The following CSMD1 variants were observed in gnomAD, a reference collection of about 807,000 sequenced individuals.
The protein encoded by CSMD1 is CUB and sushi domain-containing protein 1.
CSMD1 carries 213 observed loss-of-function variants against 417.5 expected under a neutral mutation model. The observed-to-expected ratio is 0.51, with a 90% confidence interval of 0.46 to 0.57. The LOEUF (loss-of-function observed/expected upper bound fraction) is 0.57, where lower values mean the gene tolerates loss of function less well. Among genes scored for constraint, CSMD1 ranks in the 20% least tolerant of loss-of-function variants. The pLI is 0.00. For missense variants in CSMD1, 6,923 were observed against 4,529.7 expected (o/e 1.53, Z -15.17); for synonymous variants, 2,862 against 1,736.8 (o/e 1.65, Z -16.11).
chr8:4,388,810 C>G (rs1462205843), intron 3 of CSMD1, among the ~76,000 whole-genome samples: 1 of 152,162 alleles, frequency 6.6e-6, no homozygotes, highest in Non-Finnish European at 1.5e-5. Flanking sequence ...ACCTCTGGAC[C>G]CAGCACTGAA....
chr8:3,150,397 C>G (rs1174891756), intron 40 of CSMD1, among the ~76,000 whole-genome samples: 1 of 152,154 alleles, frequency 6.6e-6, no homozygotes, highest in African/African-American at 2.4e-5. Flanking sequence ...CGTCCAGCGC[C>G]TGATTGACCT....
At chr8:4,431,248 C>G (rs1183061696) in intron 2 of CSMD1, among the ~76,000 whole-genome samples, 1 of 152,016 alleles carries the variant, frequency 6.6e-6, no homozygotes, top group Non-Finnish European at 1.5e-5. Context: ...AGTGAAATGG[C>G]TCAAAGATGT....
intron 1 of CSMD1, among the ~76,000 whole-genome samples, chr8:4,819,468 A>G (rs1366329449): frequency 1.3e-5 from 2 of 152,208 alleles, no homozygotes; most frequent in Admixed American, 1.3e-4. Context: ...TGCCAAATTG[A>G]CATCCAACAT....
At chr8:3,574,111 A>T (rs962171801) in intron 10 of CSMD1, among the ~76,000 whole-genome samples, 6 of 152,236 alleles carry the variant, frequency 3.9e-5, no homozygotes, top group Non-Finnish European at 8.8e-5. Context: ...ACTACCCTGG[A>T]GGAAATATAT....
At chr8:4,770,537 A>T (rs1254578697) in intron 1 of CSMD1, among the ~76,000 whole-genome samples, 1 of 151,888 alleles carries the variant, frequency 6.6e-6, no homozygotes, top group Non-Finnish European at 1.5e-5. Flanking sequence ...CAAAAGTTGA[A>T]GGCATTACAC....
rs182006774 is a variant in CSMD1 at position 3,073,190 on chromosome 8, T to A, written c.7474+13907A>T. ...CTTGAATGCATTTGATATGAAAACATATTATTGTTATTTCAATTAAAGCAC... is the reference window on the plus strand; with the variant it reads ...CTTGAATGCATTTGATATGAAAACAAATTATTGTTATTTCAATTAAAGCAC... On this transcript the variant is annotated intron_variant, in intron 49 of 69. Coordinates refer to ENST00000635120, the MANE Select transcript of CSMD1 (RefSeq NM_033225.6). Among the ~76,000 whole-genome samples the A allele has an allele frequency of 2.6e-5, 4 of 152,144 alleles. No individual in the cohort carries two copies. In the East Asian group the frequency reaches 7.7e-4, roughly 29 times the overall value.
chr8:3,776,219 G>A (rs989479961), intron 5 of CSMD1, among the ~76,000 whole-genome samples: 1 of 152,142 alleles, frequency 6.6e-6, no homozygotes, highest in Non-Finnish European at 1.5e-5. Context: ...GGTGCCCTGT[G>A]CTCATCCGGA....
intron 36 of CSMD1, among the ~76,000 whole-genome samples, chr8:3,187,538 G>C (rs1585596342): frequency 2.0e-5 from 3 of 152,144 alleles, no homozygotes; most frequent in Admixed American, 1.3e-4. Flanking sequence ...TGCATTTTAA[G>C]AGTTGAGAAC....
chr8:3,911,885 C>T (rs574466012), intron 5 of CSMD1, among the ~76,000 whole-genome samples: 23 of 152,294 alleles, frequency 1.5e-4, no homozygotes, highest in East Asian at 3.9e-4. Context: ...TTCTTACCTC[C>T]GTTATCTTTT....
intron 22 of CSMD1, among the ~76,000 whole-genome samples, chr8:3,347,075 G>C (rs1036180736): frequency 6.6e-6 from 1 of 152,154 alleles, no homozygotes; most frequent in Admixed American, 6.5e-5. Flanking sequence ...TAACTGATAA[G>C]CTTAAAAAAA....
intron 2 of CSMD1, among the ~76,000 whole-genome samples, chr8:4,475,815 G>C (rs894513021): frequency 6.6e-6 from 1 of 152,024 alleles, no homozygotes; most frequent in Admixed American, 6.5e-5. Flanking sequence ...ATTTCATTAT[G>C]TTGACCAGGC....
At chr8:3,401,951 TCTTTG>T (rs1812064044) in intron 15 of CSMD1, among the ~76,000 whole-genome samples, 1 of 142,292 alleles carries the variant, frequency 7.0e-6, no homozygotes, top group African/African-American at 2.5e-5. Flanking sequence ...AGCAATTTCT[TCTTTG>T]CTTTTTTTTT....
At chr8:2,942,711 G>A (rs1801967961) in intron 68 of CSMD1, 107 bp from the exon 69 acceptor site, 3 of 817,778 alleles carry the variant, frequency 3.7e-6, no homozygotes, top group Non-Finnish European at 5.2e-6. Flanking sequence ...AGCAGACGGA[G>A]TTGCCATTTC....
intron 3 of CSMD1, among the ~76,000 whole-genome samples, chr8:4,138,383 G>T (rs73176381): frequency 0.29 from 44,332 of 150,610 alleles, 8,043 homozygotes; most frequent in Non-Finnish European, 0.39. Flanking sequence ...ACCTGCTCTG[G>T]CACTTTGCCT....
chr8:4,890,436 C>T (rs528206214), intron 1 of CSMD1, among the ~76,000 whole-genome samples: 3 of 151,350 alleles, frequency 2.0e-5, no homozygotes, highest in African/African-American at 7.3e-5. Context: ...GACACCCTCC[C>T]GCAGGACAGG....
intron 5 of CSMD1, among the ~76,000 whole-genome samples, chr8:3,928,011 C>A (rs188958914): frequency 6.6e-6 from 1 of 151,950 alleles, no homozygotes; most frequent in African/African-American, 2.4e-5. Context: ...AAAATATTAT[C>A]TTTTCTAATT....
chr8:3,148,802 T>C (rs146258626), intron 40 of CSMD1, among the ~76,000 whole-genome samples: 1 of 152,274 alleles, frequency 6.6e-6, no homozygotes, highest in East Asian at 1.9e-4. Flanking sequence ...CTCACATGCC[T>C]CTCCTCCCAA....
chr8:3,285,465 C>G (rs56064060), intron 25 of CSMD1, among the ~76,000 whole-genome samples: 14,615 of 151,652 alleles, frequency 0.096, 951 homozygotes, highest in East Asian at 0.28. Flanking sequence ...TGGCTCACTG[C>G]AACCTCTACT....
At chr8:3,826,375 T>G (rs1226566669) in intron 5 of CSMD1, among the ~76,000 whole-genome samples, 1 of 152,306 alleles carries the variant, frequency 6.6e-6, no homozygotes, top group Non-Finnish European at 1.5e-5. Context: ...ATGCAAATTC[T>G]GGGAGAGTTC....
Sources: gnomAD v4.1 joint callset for allele counts (sites outside exome capture counted in the v4.1 genomes callset) on GRCh38, gnomAD v4.1.1 for gene constraint, MANE v1.5 for transcripts, NCBI Gene and HGNC (gene_info 2026-07-23, HGNC 2026-07-21) for gene names.